The following GRIA4 variants were observed in gnomAD, a reference collection of about 807,000 sequenced individuals.
The protein encoded by GRIA4 is glutamate receptor 4.
A neutral mutation model predicts 104.0 loss-of-function variants in GRIA4; 34 were observed. The observed-to-expected ratio is 0.33, with a 90% CI of 0.25 to 0.44. The LOEUF (loss-of-function observed/expected upper bound fraction) is 0.44. GRIA4 is among the 20% of genes least tolerant of loss of function. The pLI is 1.00. For missense variants in GRIA4, 750 were observed against 1,096.5 expected (o/e 0.68, Z 4.46); for synonymous variants, 386 against 381.9 (o/e 1.01, Z -0.13).
chr11:105,698,045 A>G (rs566326502), intron 3 of GRIA4, among the ~76,000 whole-genome samples: 5 of 152,246 alleles, frequency 3.3e-5, no homozygotes, highest in African/African-American at 9.6e-5. Flanking sequence ...TCTATTTCTC[A>G]CATATGCTAC....
At chr11:105,971,770 A>T in intron 14 of GRIA4, 144 bp from the exon 15 acceptor site, 1 of 491,176 alleles carries the variant, frequency 2.0e-6, no homozygotes, top group Middle Eastern at 6.0e-4. Context: ...TTTATGTCTG[A>T]TTCTAAACCT....
chr11:105,849,181 T>C (rs973073209), intron 4 of GRIA4, among the ~76,000 whole-genome samples: 1 of 152,008 alleles, frequency 6.6e-6, no homozygotes, highest in African/African-American at 2.4e-5. Context: ...GACAGAGTGC[T>C]AGACTCCATC....
intron 4 of GRIA4, among the ~76,000 whole-genome samples, chr11:105,802,139 G>A (rs1170460704): frequency 6.6e-6 from 1 of 152,048 alleles, no homozygotes; most frequent in East Asian, 1.9e-4. Flanking sequence ...AAACTTATAA[G>A]CCCAGGGCAT....
At chr11:105,794,276 T>C (rs534272452) in intron 4 of GRIA4, among the ~76,000 whole-genome samples, 1 of 151,218 alleles carries the variant, frequency 6.6e-6, no homozygotes, top group Admixed American at 6.6e-5. Context: ...TTCATGTTTA[T>C]AAACAGTCTA....
intron 14 of GRIA4, among the ~76,000 whole-genome samples, chr11:105,937,973 C>A (rs1046920365): frequency 6.6e-6 from 1 of 152,000 alleles, no homozygotes; most frequent in African/African-American, 2.4e-5. Context: ...AATAGCACGG[C>A]AGGGGGAGGA....
chr11:105,741,881 C>G (rs754968685), intron 3 of GRIA4, among the ~76,000 whole-genome samples: 1 of 151,998 alleles, frequency 6.6e-6, no homozygotes, highest in African/African-American at 2.4e-5. Flanking sequence ...CGGGGAGAAG[C>G]AGGTCAAAGG....
In GRIA4 at chr11:105,720,020, A is replaced by G. The variant is rs138917879; in HGVS notation, c.248-32961A>G. Among the ~76,000 whole-genome samples, 730 of 151,966 alleles carry G rather than the reference A, an allele frequency of 4.8e-3. 14 individuals are homozygous for G. The highest frequency in any genetic ancestry group is 0.016 in the African/African-American group (680 of 41,456). ...ATTTTAATTTTTAATGTATTGCAAAATGTATTCACTTGCCATCTGTGAAAA... is the reference window on the plus strand; with the variant it reads ...ATTTTAATTTTTAATGTATTGCAAAGTGTATTCACTTGCCATCTGTGAAAA... On this transcript the variant is annotated intron_variant, in intron 3 of 16. Transcript: ENST00000282499.
intron 10 of GRIA4, 30 bp downstream of exon 10, chr11:105,910,575 C>G (rs1243697397): frequency 5.2e-6 from 6 of 1,161,536 alleles, no homozygotes. Context: ...TTATGGTGTT[C>G]CGTTTTGTCC....
chr11:105,865,062 C>T (rs893522385), intron 5 of GRIA4, among the ~76,000 whole-genome samples: 3 of 152,038 alleles, frequency 2.0e-5, no homozygotes, highest in African/African-American at 7.2e-5. Context: ...TACATGTTTT[C>T]CAAATTATTT....
chr11:105,946,615 AATAAATTT>A (rs1948321213), intron 14 of GRIA4, among the ~76,000 whole-genome samples: 2 of 152,144 alleles, frequency 1.3e-5, no homozygotes, highest in Non-Finnish European at 2.9e-5. Flanking sequence ...TAAATTAAAA[AATAAATTT>A]AAAAATCTAA....
intron 3 of GRIA4, among the ~76,000 whole-genome samples, chr11:105,623,071 A>C (rs1439154256): frequency 1.8e-5 from 1 of 54,284 alleles, no homozygotes; most frequent in East Asian, 6.4e-4. Context: ...ATATATATAT[A>C]TATATATATA....
At chr11:105,653,427 C>T (rs1951740046) in intron 3 of GRIA4, among the ~76,000 whole-genome samples, 1 of 152,144 alleles carries the variant, frequency 6.6e-6, no homozygotes, top group Admixed American at 6.5e-5. Flanking sequence ...GCATGCACAG[C>T]ATGGTGACTC....
chr11:105,656,772 T>G (rs1951858663), intron 3 of GRIA4, among the ~76,000 whole-genome samples: 1 of 152,126 alleles, frequency 6.6e-6, no homozygotes, highest in African/African-American at 2.4e-5. Flanking sequence ...TTAGTGATGT[T>G]TTCTTTAAGA....
intron 6 of GRIA4, among the ~76,000 whole-genome samples, chr11:105,896,624 C>T (rs1946660783): frequency 6.6e-6 from 1 of 152,122 alleles, no homozygotes; most frequent in South Asian, 2.1e-4. Context: ...CAGTCTTCTG[C>T]ATAGGGCCAG....
intron 3 of GRIA4, among the ~76,000 whole-genome samples, chr11:105,736,067 TA>T (rs1458434330): frequency 1.3e-5 from 2 of 152,116 alleles, no homozygotes; most frequent in Non-Finnish European, 2.9e-5. Context: ...GGCCAATGCT[TA>T]AAAATTAGAA....
Position 105,720,403 on chromosome 11 carries a change from T to C in GRIA4, c.248-32578T>C, listed in dbSNP as rs192637411. 2.5e-3 allele frequency among the ~76,000 whole-genome samples: 376 copies of C among 152,250 alleles called. 1 individual carries two copies. The highest frequency in any genetic ancestry group is 8.0e-3 in the African/African-American group (332 of 41,566). On this transcript the variant is annotated intron_variant, in intron 3 of 16. Transcript: ENST00000282499. ...GAGACTTAAAACAAAATGGAAATCT[T>C]TCTTGTATCTGTGATTCTATCCAAA...
chr11:105,709,629 A>G lies in GRIA4; in HGVS notation c.248-43352A>G, dbSNP rs184828881. Among the ~76,000 whole-genome samples the G allele has an allele frequency of 2.4e-4, 36 of 152,254 alleles. No homozygotes were observed. The East Asian group carries it at 6.9e-3, about 29-fold the overall frequency. On this transcript the variant is annotated intron_variant, in intron 3 of 16. Coordinates refer to ENST00000282499, the MANE Select transcript of GRIA4 (RefSeq NM_000829.4). ...ACAGGCATGACATTCCTCCACACTGAGAAGGGTACAGCATCACTTCTGCGG... is the reference window on the plus strand; with the variant it reads ...ACAGGCATGACATTCCTCCACACTGGGAAGGGTACAGCATCACTTCTGCGG...
intron 5 of GRIA4, among the ~76,000 whole-genome samples, chr11:105,882,069 C>CAACATTTGGGG (rs1405630996): frequency 6.6e-6 from 1 of 152,024 alleles, no homozygotes; most frequent in Non-Finnish European, 1.5e-5. Flanking sequence ...TTTTGAAAAT[C>CAACATTTGGGG]AACATTTGGG....
chr11:105,790,790 T>A (rs1487366278), intron 4 of GRIA4, among the ~76,000 whole-genome samples: 1 of 152,190 alleles, frequency 6.6e-6, no homozygotes, highest in Admixed American at 6.5e-5. Context: ...CCAGAAAAGA[T>A]GAAGAGAAGA....
Sources: allele counts gnomAD v4.1 joint callset (sites outside exome capture counted in the v4.1 genomes callset), GRCh38; gene constraint gnomAD v4.1.1; transcripts MANE v1.5; gene names NCBI Gene and HGNC (gene_info 2026-07-23, HGNC 2026-07-21).